The following MACROD2 variants were observed in gnomAD, a reference collection of about 807,000 sequenced individuals.
The protein encoded by MACROD2 is ADP-ribose glycohydrolase MACROD2.
Under a neutral mutation model 70.4 loss-of-function variants are expected in MACROD2, and 36 were observed. That is an observed-to-expected ratio of 0.51 (90% CI 0.39 to 0.68). MACROD2 has a LOEUF of 0.68. Among genes scored for constraint, MACROD2 ranks in the 30% least tolerant of loss-of-function variants. The pLI, the probability that MACROD2 is intolerant of heterozygous loss-of-function variation, is 0.00. For synonymous variants in MACROD2, 172 were observed against 178.8 expected, an observed-to-expected ratio of 0.96 and a Z score of 0.30; for missense variants, 496 against 538.4, an observed-to-expected ratio of 0.92 and a Z score of 0.78.
chr20:15,241,436 T>G (rs1293151364), intron 6 of MACROD2, among the ~76,000 whole-genome samples: 3 of 152,182 alleles, frequency 2.0e-5, no homozygotes, highest in African/African-American at 7.2e-5. Context: ...CATTTTTTTC[T>G]TATTTTTGTG....
At chr20:15,417,788 G>A (rs1044349421) in intron 6 of MACROD2, among the ~76,000 whole-genome samples, 3 of 151,976 alleles carry the variant, frequency 2.0e-5, no homozygotes, top group Admixed American at 2.0e-4. Flanking sequence ...GCTAAAGTTT[G>A]AGAAATACTA....
intron 3 of MACROD2, among the ~76,000 whole-genome samples, chr20:14,239,688 A>G (rs1481322183): frequency 1.3e-5 from 2 of 152,234 alleles, no homozygotes; most frequent in African/African-American, 4.8e-5. Flanking sequence ...TCAACTCAAG[A>G]TGGATTAAAG....
intron 8 of MACROD2, among the ~76,000 whole-genome samples, chr20:15,706,610 G>A (rs1337373834): frequency 6.6e-5 from 10 of 152,110 alleles, no homozygotes; most frequent in African/African-American, 1.2e-4. Flanking sequence ...AATTTTACAC[G>A]TCGTTAATTC....
chr20:15,590,033 A>G (rs1443655336), intron 8 of MACROD2, among the ~76,000 whole-genome samples: 1 of 152,238 alleles, frequency 6.6e-6, no homozygotes, highest in Non-Finnish European at 1.5e-5. Context: ...GTGATATGAG[A>G]TCATGAATAG....
intron 6 of MACROD2, among the ~76,000 whole-genome samples, chr20:15,342,801 G>A (rs996088250): frequency 3.9e-5 from 6 of 152,052 alleles, no homozygotes; most frequent in Admixed American, 6.6e-5. Context: ...TGGTGGTACG[G>A]GAATATATGT....
intron 5 of MACROD2, among the ~76,000 whole-genome samples, chr20:14,797,139 A>G (rs1266265972): frequency 6.6e-6 from 1 of 152,018 alleles, no homozygotes; most frequent in Non-Finnish European, 1.5e-5. Context: ...CTCTGTATTC[A>G]TTGACTTGAC....
Position 14,601,473 on chromosome 20 carries a change from G to C in MACROD2, c.302-83370G>C, listed in dbSNP as rs542208421. Among the ~76,000 whole-genome samples the C allele has an allele frequency of 2.6e-5, 4 of 152,030 alleles. No homozygotes were observed. The East Asian group carries it at 7.7e-4, about 29-fold the overall frequency. The stretch of plus-strand genomic sequence containing the variant: ...CAGGGTACTGGGGTTGGGGACCCCT[G>C]GTATAGATAAGCCACAATACTTTTA... On this transcript the variant is annotated intron_variant, in intron 4 of 17. Coordinates refer to ENST00000684519, the MANE Select transcript of MACROD2 (RefSeq NM_001351661.2).
intron 3 of MACROD2, among the ~76,000 whole-genome samples, chr20:14,346,464 A>G (rs574331711): frequency 9.2e-5 from 14 of 152,252 alleles, no homozygotes; most frequent in Middle Eastern, 3.4e-3. Flanking sequence ...TACCATCTCC[A>G]TTCTAATATA....
intron 9 of MACROD2, among the ~76,000 whole-genome samples, chr20:15,865,128 TA>T (rs1466250364): frequency 7.2e-5 from 11 of 152,132 alleles, no homozygotes; most frequent in African/African-American, 2.7e-4. Context: ...GCAATAATGA[TA>T]ATAGTTTAGA....
At chr20:14,673,767 A>C (rs1474412938) in intron 4 of MACROD2, among the ~76,000 whole-genome samples, 1 of 151,934 alleles carries the variant, frequency 6.6e-6, no homozygotes, top group Non-Finnish European at 1.5e-5. Flanking sequence ...AAAAAAACAA[A>C]AAATTAGCTG....
chr20:15,565,513 G>A (rs2048298292), intron 8 of MACROD2, among the ~76,000 whole-genome samples: 1 of 152,164 alleles, frequency 6.6e-6, no homozygotes, highest in Admixed American at 6.5e-5. Context: ...CAAATAGTGT[G>A]AGATCCTTTC....
intron 6 of MACROD2, among the ~76,000 whole-genome samples, chr20:15,288,615 C>T (rs2077512990): frequency 6.6e-6 from 1 of 152,118 alleles, no homozygotes; most frequent in Non-Finnish European, 1.5e-5. Flanking sequence ...TTTTTCTCTT[C>T]CGGAACTAGG....
At chr20:14,649,155 T>C (rs2123506712) in intron 4 of MACROD2, among the ~76,000 whole-genome samples, 1 of 152,282 alleles carries the variant, frequency 6.6e-6, no homozygotes, top group Admixed American at 6.5e-5. Context: ...CCTTGGGACA[T>C]GGACAAAATA....
chr20:14,526,241 G>A (rs1258787925), intron 4 of MACROD2, among the ~76,000 whole-genome samples: 1 of 151,986 alleles, frequency 6.6e-6, no homozygotes, highest in Non-Finnish European at 1.5e-5. Flanking sequence ...CTAAATCCTA[G>A]TTTCCTTTCT....
intron 9 of MACROD2, among the ~76,000 whole-genome samples, chr20:15,865,214 A>T (rs2064475384): frequency 6.6e-6 from 1 of 152,158 alleles, no homozygotes; most frequent in Non-Finnish European, 1.5e-5. Context: ...TAAATTTTAT[A>T]ATTGGGAATC....
chr20:14,469,221 A>G (rs2084497479), intron 3 of MACROD2, among the ~76,000 whole-genome samples: 1 of 152,082 alleles, frequency 6.6e-6, no homozygotes, highest in Non-Finnish European at 1.5e-5. Context: ...TTCAGGGTTG[A>G]AAATTGTTTT....
intron 7 of MACROD2, among the ~76,000 whole-genome samples, chr20:15,477,413 A>C (rs2047037557): frequency 6.6e-6 from 1 of 152,164 alleles, no homozygotes. Context: ...CTTTTAAATC[A>C]GATTTTTAAT....
At chr20:14,889,780 G>A (rs948654821) in intron 5 of MACROD2, among the ~76,000 whole-genome samples, 7 of 152,136 alleles carry the variant, frequency 4.6e-5, no homozygotes, top group South Asian at 4.1e-4. Context: ...GGTTTAATTC[G>A]AAGTGAATTG....
chr20:15,036,443 C>T (rs1187788217), intron 5 of MACROD2, among the ~76,000 whole-genome samples: 1 of 152,166 alleles, frequency 6.6e-6, no homozygotes, highest in Non-Finnish European at 1.5e-5. Context: ...TCCAGACCTA[C>T]TGACTCAGAA....
Sources: allele counts gnomAD v4.1 joint callset (sites outside exome capture counted in the v4.1 genomes callset), GRCh38; gene constraint gnomAD v4.1.1; transcripts MANE v1.5; gene names NCBI Gene and HGNC (gene_info 2026-07-23, HGNC 2026-07-21).